The following RPE variants were observed in gnomAD, a reference collection of about 807,000 sequenced individuals.
The protein encoded by RPE is ribulose-5-phosphate-3-epimerase.
RPE carries 16 observed loss-of-function variants against 24.6 expected under a neutral mutation model. That is an observed-to-expected ratio of 0.65 (90% CI 0.44 to 0.99). The LOEUF (loss-of-function observed/expected upper bound fraction) is 0.99, where lower values mean the gene tolerates loss of function less well. Among genes scored for constraint, RPE ranks in the 50% least tolerant of loss-of-function variants. The pLI is 0.00. For missense variants in RPE, 240 were observed against 294.5 expected, an observed-to-expected ratio of 0.81 and a Z score of 1.35; for synonymous variants, 93 against 98.4, an observed-to-expected ratio of 0.94 and a Z score of 0.33.
chr2:210,008,110 G>C (rs1394346980), intron 1 of RPE, among the ~76,000 whole-genome samples: 2 of 152,294 alleles, frequency 1.3e-5, no homozygotes, highest in East Asian at 3.9e-4. Context: ...GAATGAAAAG[G>C]TTTGACTGAG....
intron 5 of RPE, chr2:210,017,872 G>A (rs1222825685): frequency 5.4e-6 from 3 of 550,944 alleles, no homozygotes; most frequent in African/African-American, 1.9e-5. Flanking sequence ...AGCCTCCTGA[G>A]TAGCTGGGAT....
In RPE at chr2:210,002,781, C is replaced by A; in HGVS notation, c.120C>A (p.Asp40Glu). Residue 40 changes from aspartate to glutamate, a missense_variant and splice_region_variant, in exon 1 of 6, where the codon GAC becomes GAA. Transcript: ENST00000359429. Reference sequence around the variant, plus strand: ...ATTATCTGCACCTGGACGTAATGGACGGGTAACTCCTCCGGGCTCCGGTCG... The same window carrying A: ...ATTATCTGCACCTGGACGTAATGGAAGGGTAACTCCTCCGGGCTCCGGTCG... Reference protein sequence around the residue: ...GADYLHLDVMDGHFVPNITFG... With the variant: ...GADYLHLDVMEGHFVPNITFG... 1 of 1,614,146 alleles carries A rather than the reference C, an allele frequency of 6.2e-7. No individual in the cohort carries two copies. The highest frequency in any genetic ancestry group is 1.1e-5 in the South Asian group (1 of 91,080).
chr2:210,016,220 AG>A, intron 3 of RPE, 108 bp downstream of exon 3: 1 of 1,614,060 alleles, frequency 6.2e-7, no homozygotes, highest in South Asian at 1.1e-5. Flanking sequence ...TCTGTCACCC[AG>A]GCTGAAGTGC....
At chr2:210,013,855 C>A (rs547420338) in intron 2 of RPE, among the ~76,000 whole-genome samples, 1 of 152,088 alleles carries the variant, frequency 6.6e-6, no homozygotes, top group African/African-American at 2.4e-5. Context: ...TCTTTTTAAT[C>A]AGCATATTGT....
intron 5 of RPE, chr2:210,018,511 T>G: frequency 1.0e-6 from 1 of 985,184 alleles, no homozygotes; most frequent in Non-Finnish European, 1.2e-6. Context: ...TTCCACAGTG[T>G]GATGTATCTA....
At chr2:210,014,015 C>T (rs2093735491) in intron 2 of RPE, among the ~76,000 whole-genome samples, 1 of 152,166 alleles carries the variant, frequency 6.6e-6, no homozygotes, top group South Asian at 2.1e-4. Context: ...CTAGTGGTTA[C>T]TGGATGCTAG....
chr2:210,002,967 C>T lies in RPE; in HGVS notation c.122+184C>T, dbSNP rs180832409. On this transcript the variant is annotated intron_variant, in intron 1 of 5. Coordinates refer to ENST00000359429, the MANE Select transcript of RPE (RefSeq NM_199229.3). ...AGCAGGAGCAGAACCGACGCGGTAT[C>T]CTGGGTTGCGGCCGGGTCCCAAACC... is the stretch of plus-strand genomic sequence containing the variant. Among the ~76,000 whole-genome samples the T allele has an allele frequency of 3.2e-3, 491 of 152,262 alleles. 6 individuals are homozygous for T. The highest frequency in any genetic ancestry group is 1.6e-3 in the Non-Finnish European group (109 of 68,018).
intron 4 of RPE, among the ~76,000 whole-genome samples, chr2:210,016,926 C>A (rs2093779967): frequency 1.3e-5 from 2 of 152,142 alleles, no homozygotes; most frequent in Non-Finnish European, 2.9e-5. Flanking sequence ...TCATTGCAGC[C>A]TTGACCTCCT....
At chr2:210,011,604 A>G (rs1217210965) in intron 2 of RPE, among the ~76,000 whole-genome samples, 1 of 152,190 alleles carries the variant, frequency 6.6e-6, no homozygotes, top group Non-Finnish European at 1.5e-5. Context: ...TAAAAGATAA[A>G]TGAACTCCAT....
intron 2 of RPE, among the ~76,000 whole-genome samples, chr2:210,011,831 ATTTTTT>A (rs56083964): frequency 1.9e-5 from 2 of 106,716 alleles, no homozygotes; most frequent in Non-Finnish European, 3.8e-5. Flanking sequence ...ACAACCGGCT[ATTTTTT>A]TTTTTTTTTT....
intron 5 of RPE, chr2:210,018,522 C>T: frequency 1.0e-6 from 1 of 984,888 alleles, no homozygotes; most frequent in Non-Finnish European, 1.2e-6. Flanking sequence ...GATGTATCTA[C>T]TTCCAGGTTC....
chr2:210,022,073 T>C lies in RPE; in HGVS notation c.*2282T>C, dbSNP rs1004641177. Reference sequence around the variant, plus strand: ...TGTGGCTCATTTTAAAACTGGTGTCTTCTCTTCATGAGACACATTAATTGG... The same window carrying C: ...TGTGGCTCATTTTAAAACTGGTGTCCTCTCTTCATGAGACACATTAATTGG... On this transcript the variant is annotated 3_prime_UTR_variant, in exon 6 of 6. Coordinates refer to ENST00000359429, the MANE Select transcript of RPE (RefSeq NM_199229.3). 2 of 151,606 alleles carry C rather than the reference T, an allele frequency of 1.3e-5. No homozygotes were observed. The highest frequency in any genetic ancestry group is 4.8e-5 in the African/African-American group (2 of 41,260). 9.4% of individuals were successfully genotyped at this position (151,606 alleles called of 1,614,324 possible).
At chr2:210,012,701 C>G (rs1412030566) in intron 2 of RPE, among the ~76,000 whole-genome samples, 5 of 152,216 alleles carry the variant, frequency 3.3e-5, no homozygotes, top group African/African-American at 1.2e-4. Context: ...AAAATATTAA[C>G]TAAATGAGGC....
intron 1 of RPE, among the ~76,000 whole-genome samples, chr2:210,003,995 T>G (rs1353788607): frequency 1.3e-5 from 2 of 152,228 alleles, no homozygotes; most frequent in African/African-American, 4.8e-5. Flanking sequence ...ATATTACCTC[T>G]CACAAAGGTT....
intron 5 of RPE, chr2:210,018,828 T>A: frequency 3.2e-6 from 1 of 309,814 alleles, no homozygotes; most frequent in Non-Finnish European, 4.7e-6. Flanking sequence ...ATAAATGGGT[T>A]AACTGAAGAG....
At position 210,008,687 on chromosome 2, in the gene RPE, A is replaced by ATTTGTT. The variant is rs773575105; in HGVS notation, c.123-955_123-950dup. ...AAGTACCGTGGGTCTGGTAGACTTG[A>ATTTGTT]TTTGTTTTTGTTTTTGTTTTCGTTT... On this transcript the variant is annotated intron_variant, in intron 1 of 5. Transcript: ENST00000359429. 1.3e-4 allele frequency among the ~76,000 whole-genome samples: 20 copies of ATTTGTT among 150,328 alleles called. No individual in the cohort carries two copies. The East Asian group carries it at 3.8e-3, about 29-fold the overall frequency.
At chr2:210,006,422 T>C (rs1320755755) in intron 1 of RPE, among the ~76,000 whole-genome samples, 2 of 152,168 alleles carry the variant, frequency 1.3e-5, no homozygotes, top group African/African-American at 4.8e-5. Flanking sequence ...TTGAGACTAC[T>C]GATGCATTCT....
intron 5 of RPE, chr2:210,018,061 A>G (rs1383198263): frequency 1.5e-6 from 2 of 1,338,756 alleles, no homozygotes; most frequent in South Asian, 1.4e-5. Flanking sequence ...TGGATATTCT[A>G]AAATCACATA....
intron 1 of RPE, 73 bp from the exon 2 acceptor site, chr2:210,009,584 C>T: frequency 6.4e-7 from 1 of 1,570,208 alleles, no homozygotes; most frequent in Non-Finnish European, 8.8e-7. Flanking sequence ...CAACCTGTGT[C>T]AGAATTCATA....
Sources: allele counts gnomAD v4.1 joint callset (sites outside exome capture counted in the v4.1 genomes callset), GRCh38; gene constraint gnomAD v4.1.1; transcripts MANE v1.5; gene names NCBI Gene and HGNC (gene_info 2026-07-23, HGNC 2026-07-21).